The following TDRD7 variants were observed in gnomAD, a reference collection of about 807,000 sequenced individuals.
The protein encoded by TDRD7 is tudor domain containing 7, also known as tudor domain-containing protein 7.
TDRD7 carries 47 observed loss-of-function variants against 109.8 expected under a neutral mutation model. That is an observed-to-expected ratio of 0.43 (90% CI 0.34 to 0.55). TDRD7 has a LOEUF of 0.55. Ranked by LOEUF, TDRD7 falls within the 20% of genes least tolerant of loss-of-function variation. The probability of loss-of-function intolerance (pLI) is 0.03; values close to 1 mark genes in which losing one functional copy is unlikely to be tolerated. For synonymous variants in TDRD7, 424 were observed against 457.3 expected (o/e 0.93, Z 0.93); for missense variants, 1,164 against 1,319.2 (o/e 0.88, Z 1.82).
chr9:97,436,952 A>C (rs1828211874), intron 4 of TDRD7, among the ~76,000 whole-genome samples: 1 of 152,158 alleles, frequency 6.6e-6, no homozygotes, highest in Non-Finnish European at 1.5e-5. Flanking sequence ...TTATAACTTC[A>C]TAATAAGTGC....
At chr9:97,489,732 C>T (rs542238318) in intron 16 of TDRD7, among the ~76,000 whole-genome samples, 21 of 152,016 alleles carry the variant, frequency 1.4e-4, no homozygotes, top group South Asian at 1.2e-3. Context: ...TTATTTTTGT[C>T]ATTACTCTTT....
chr9:97,442,812 T>G (rs1016968570), intron 6 of TDRD7, among the ~76,000 whole-genome samples: 2 of 150,928 alleles, frequency 1.3e-5, no homozygotes, highest in African/African-American at 4.9e-5. Context: ...TTTCTTTTTT[T>G]GAGACGGAGT....
intron 4 of TDRD7, among the ~76,000 whole-genome samples, chr9:97,434,769 C>T (rs1043607872): frequency 5.9e-5 from 9 of 152,034 alleles, no homozygotes; most frequent in African/African-American, 2.2e-4. Flanking sequence ...ATAGAAACAA[C>T]CCAGACATCC....
At chr9:97,424,003 A>G (rs1827942992) in intron 1 of TDRD7, among the ~76,000 whole-genome samples, 1 of 150,052 alleles carries the variant, frequency 6.7e-6, no homozygotes, top group Non-Finnish European at 1.5e-5. Context: ...TGTTCTGTCA[A>G]TATCATTAGG....
At chr9:97,421,203 G>A (rs1177725953) in intron 1 of TDRD7, among the ~76,000 whole-genome samples, 1 of 151,612 alleles carries the variant, frequency 6.6e-6, no homozygotes, top group Non-Finnish European at 1.5e-5. Context: ...CACCAGAAAT[G>A]TATGAGAGTT....
intron 11 of TDRD7, 77 bp from the exon 12 acceptor site, chr9:97,475,306 C>T (rs1828998943): frequency 6.1e-6 from 7 of 1,154,486 alleles, no homozygotes; most frequent in Admixed American, 5.4e-5. Context: ...AGTGCCACAG[C>T]GATCTGTTTT....
Position 97,413,251 on chromosome 9 carries a change from G to A in TDRD7, c.-7+1013G>A, listed in dbSNP as rs538837811. 2.0e-5 allele frequency among the ~76,000 whole-genome samples: 3 copies of A among 152,314 alleles called. No individual in the cohort carries two copies. In the South Asian group the frequency reaches 6.2e-4, roughly 32 times the overall value. ...GGACCCAAATCCCTGTCTCGTCCTG[G>A]GCTGCCTTGATGTGTATGAATGTGT... On this transcript the variant is annotated intron_variant, in intron 1 of 16. Coordinates refer to ENST00000355295, the MANE Select transcript of TDRD7 (RefSeq NM_014290.3).
intron 7 of TDRD7, among the ~76,000 whole-genome samples, chr9:97,461,760 A>T (rs1828729033): frequency 6.6e-6 from 1 of 152,250 alleles, no homozygotes; most frequent in South Asian, 2.1e-4. Context: ...CAGATCAGAA[A>T]AATGCTGAAG....
rs376376633 is a variant in TDRD7, at chr9:97,412,481, C to T, written c.-7+243C>T. 5.7e-4 allele frequency among the ~76,000 whole-genome samples: 87 copies of T among 152,302 alleles called. 4 individuals carry two copies. In the South Asian group the frequency reaches 0.016, roughly 29 times the overall value. Reference sequence around the variant, plus strand: ...GTTGTGTTTTAAATCTCTGAAGGGACCCTGCTCCGGGCCGGGCGTTCACGC... The same window carrying T: ...GTTGTGTTTTAAATCTCTGAAGGGATCCTGCTCCGGGCCGGGCGTTCACGC... On this transcript the variant is annotated intron_variant, in intron 1 of 16. Transcript: ENST00000355295. This position sits in a 1 kb window ranked among gnomAD's most constrained non-coding sequence, Gnocchi z 4.3.
At chr9:97,475,919 G>A (rs1029507485) in intron 12 of TDRD7, among the ~76,000 whole-genome samples, 3 of 152,174 alleles carry the variant, frequency 2.0e-5, no homozygotes, top group Non-Finnish European at 4.4e-5. Flanking sequence ...ATTCATTCAT[G>A]TTGATGTGTG....
At chr9:97,416,588 A>G (rs996221988) in intron 1 of TDRD7, among the ~76,000 whole-genome samples, 2 of 152,222 alleles carry the variant, frequency 1.3e-5, no homozygotes, top group African/African-American at 2.4e-5. Flanking sequence ...AATCTGGCTC[A>G]GAGTGGACAT....
At chr9:97,432,959 G>T (rs1828130597) in intron 4 of TDRD7, among the ~76,000 whole-genome samples, 1 of 152,156 alleles carries the variant, frequency 6.6e-6, no homozygotes, top group Non-Finnish European at 1.5e-5. Flanking sequence ...TTGCAAAATA[G>T]TGGCAGAAGT....
chr9:97,460,861 G>A (rs978765159), intron 7 of TDRD7, 97 bp downstream of exon 7: 1 of 1,187,098 alleles, frequency 8.4e-7, no homozygotes, highest in Admixed American at 1.9e-5. Flanking sequence ...GAATAATATG[G>A]CCGGGTGCGG....
At chr9:97,428,893 C>T (rs1828053165) in intron 2 of TDRD7, among the ~76,000 whole-genome samples, 1 of 152,096 alleles carries the variant, frequency 6.6e-6, no homozygotes, top group South Asian at 2.1e-4. Context: ...AGATTTTAAC[C>T]ACACAAAATT....
At chr9:97,475,293 G>T in intron 11 of TDRD7, 90 bp from the exon 12 acceptor site, 1 of 1,008,504 alleles carries the variant, frequency 9.9e-7, no homozygotes, top group Non-Finnish European at 1.6e-6. Flanking sequence ...GGTTAAGTCT[G>T]CCAGTGCCAC....
intron 9 of TDRD7, among the ~76,000 whole-genome samples, chr9:97,472,080 C>T (rs963012999): frequency 1.3e-5 from 2 of 151,906 alleles, no homozygotes; most frequent in African/African-American, 4.8e-5. Flanking sequence ...AGATTGCCTG[C>T]CTTAGTGTAT....
chr9:97,452,604 A>G (rs1325514748), intron 6 of TDRD7, among the ~76,000 whole-genome samples: 1 of 152,258 alleles, frequency 6.6e-6, no homozygotes, highest in Non-Finnish European at 1.5e-5. Context: ...TCTGTCTTCT[A>G]ATTCAGATGA....
At chr9:97,417,734 C>T (rs960604956) in intron 1 of TDRD7, among the ~76,000 whole-genome samples, 2 of 152,196 alleles carry the variant, frequency 1.3e-5, no homozygotes, top group African/African-American at 4.8e-5. Context: ...CTGCCCTTCC[C>T]CCAAAACCAA....
At chr9:97,485,721 C>T (rs1240481850) in intron 15 of TDRD7, among the ~76,000 whole-genome samples, 1 of 152,150 alleles carries the variant, frequency 6.6e-6, no homozygotes, top group Non-Finnish European at 1.5e-5. Context: ...AGTAATGTCC[C>T]AGGCACTTTC....
Sources: allele counts gnomAD v4.1 joint callset (sites outside exome capture counted in the v4.1 genomes callset), GRCh38; gene constraint gnomAD v4.1.1; non-coding constraint Gnocchi (gnomAD v3.1); transcripts MANE v1.5; gene names NCBI Gene and HGNC (gene_info 2026-07-23, HGNC 2026-07-21).